Variants in KCNMA1 observed in about 807,000 individuals in gnomAD.
KCNMA1 encodes Calcium-activated potassium channel subunit alpha-1.
KCNMA1 carries 29 observed loss-of-function variants against 140.0 expected under a neutral mutation model. The ratio of observed to expected loss-of-function variants is 0.21; its 90% CI spans 0.15 to 0.28. The LOEUF (loss-of-function observed/expected upper bound fraction) is 0.28. Ranked by LOEUF, KCNMA1 falls within the 10% of genes least tolerant of loss-of-function variation. The pLI, the probability that KCNMA1 is intolerant of heterozygous loss-of-function variation, is 1.00. For synonymous variants in KCNMA1, 612 were observed against 611.9 expected (o/e 1.00, Z 0.00); for missense variants, 880 against 1,602.2 (o/e 0.55, Z 7.70).
intron 1 of KCNMA1, among the ~76,000 whole-genome samples, chr10:77,526,185 G>A (rs2055559381): frequency 6.6e-6 from 1 of 152,082 alleles, no homozygotes; most frequent in Non-Finnish European, 1.5e-5. Flanking sequence ...AAGGGCCCAG[G>A]GCCTCATCCA....
chr10:77,280,690 CT>C (rs36008118), intron 2 of KCNMA1, among the ~76,000 whole-genome samples: 41,839 of 134,100 alleles, frequency 0.31, 7,234 homozygotes, highest in East Asian at 0.43. Context: ...CCATGCCTGG[CT>C]TTTTTTTTTT....
At chr10:77,010,524 A>G (rs2090445702) in intron 18 of KCNMA1, among the ~76,000 whole-genome samples, 1 of 151,950 alleles carries the variant, frequency 6.6e-6, no homozygotes, top group African/African-American at 2.4e-5. Flanking sequence ...TCTCGATAAG[A>G]GTCTGGGGGA....
Position 77,426,142 on chromosome 10 carries a change from G to A in KCNMA1, c.379-22119C>T, listed in dbSNP as rs142072693. ...ACCAGACTGTAGGACATACGTGAAG[G>A]ACTCTGCAGTGTCTGGAACATATTT... is the stretch of plus-strand genomic sequence containing the variant. On this transcript the variant is annotated intron_variant, in intron 1 of 27. Transcript: ENST00000286628. 3.9e-3 allele frequency among the ~76,000 whole-genome samples: 592 copies of A among 152,286 alleles called. 2 individuals are homozygous for A. The highest frequency in any genetic ancestry group is 0.013 in the African/African-American group (551 of 41,562).
At chr10:77,394,403 G>A (rs1253758904) in intron 2 of KCNMA1, among the ~76,000 whole-genome samples, 2 of 152,216 alleles carry the variant, frequency 1.3e-5, no homozygotes, top group Non-Finnish European at 2.9e-5. Context: ...AAGCTGCTGC[G>A]AGCTGAGGTG....
intron 5 of KCNMA1, among the ~76,000 whole-genome samples, chr10:77,173,615 C>A (rs993837525): frequency 3.3e-5 from 5 of 152,144 alleles, no homozygotes; most frequent in African/African-American, 1.2e-4. Flanking sequence ...ACCCCCCAAC[C>A]CCCACTCTCC....
At chr10:76,903,907 T>A (rs1382684688) in intron 25 of KCNMA1, 1 of 152,140 alleles carries the variant, frequency 6.6e-6, no homozygotes, top group Non-Finnish European at 1.5e-5. Flanking sequence ...TGGAATCATA[T>A]CTTCTGGGTA....
chr10:77,186,797 G>A (rs1462025020), intron 3 of KCNMA1, among the ~76,000 whole-genome samples: 1 of 151,654 alleles, frequency 6.6e-6, no homozygotes, highest in African/African-American at 2.4e-5. Flanking sequence ...GTGTGTGTGT[G>A]TGTGTGTGTG....
At chr10:77,381,908 C>T (rs1204912927) in intron 2 of KCNMA1, among the ~76,000 whole-genome samples, 1 of 152,220 alleles carries the variant, frequency 6.6e-6, no homozygotes, top group Non-Finnish European at 1.5e-5. Context: ...ATCCTAGCCA[C>T]ATGAGTACTC....
intron 1 of KCNMA1, among the ~76,000 whole-genome samples, chr10:77,433,945 G>A (rs945411030): frequency 1.3e-5 from 2 of 152,160 alleles, no homozygotes; most frequent in African/African-American, 4.8e-5. Context: ...CACGCCACAA[G>A]GGTAACTGCA....
At chr10:77,472,475 A>G (rs1453405535) in intron 1 of KCNMA1, among the ~76,000 whole-genome samples, 1 of 151,806 alleles carries the variant, frequency 6.6e-6, no homozygotes, top group East Asian at 1.9e-4. Flanking sequence ...GAGAGCATAC[A>G]TACTAAACAC....
intron 14 of KCNMA1, among the ~76,000 whole-genome samples, chr10:77,072,545 G>T (rs2096252439): frequency 6.6e-6 from 1 of 152,164 alleles, no homozygotes; most frequent in Admixed American, 6.5e-5. Context: ...GTCTCTCGGT[G>T]CAAAGGGCAC....
chr10:77,003,575 A>G (rs749100787), intron 18 of KCNMA1, among the ~76,000 whole-genome samples: 7 of 152,226 alleles, frequency 4.6e-5, no homozygotes, highest in Non-Finnish European at 1.0e-4. Flanking sequence ...AGAGGGAAAC[A>G]AGGATGATTT....
At chr10:76,904,661 C>T (rs2047056043) in intron 25 of KCNMA1, 2 of 151,748 alleles carry the variant, frequency 1.3e-5, no homozygotes, top group African/African-American at 4.8e-5. Context: ...TTTTTCTCCT[C>T]AGAAGGAGGT....
At chr10:77,241,132 G>A (rs968062177) in intron 3 of KCNMA1, among the ~76,000 whole-genome samples, 1 of 152,074 alleles carries the variant, frequency 6.6e-6, no homozygotes, top group Non-Finnish European at 1.5e-5. Flanking sequence ...CATTGAAGGG[G>A]TTTAGTATAA....
chr10:77,522,658 C>T (rs924445521), intron 1 of KCNMA1, among the ~76,000 whole-genome samples: 2 of 152,160 alleles, frequency 1.3e-5, no homozygotes, highest in Non-Finnish European at 2.9e-5. Context: ...TAGCTCTGAG[C>T]CTGCTTCTGG....
intron 25 of KCNMA1, chr10:76,903,089 G>A (rs2046255504): frequency 6.6e-6 from 1 of 152,374 alleles, no homozygotes; most frequent in East Asian, 1.9e-4. Flanking sequence ...GAGGGACCAA[G>A]GCACTGTAAC....
chr10:77,562,054 T>C (rs1042562814), intron 1 of KCNMA1, among the ~76,000 whole-genome samples: 8 of 152,148 alleles, frequency 5.3e-5, no homozygotes, highest in African/African-American at 1.9e-4. Flanking sequence ...AATGACAGAG[T>C]CAAAATGAAA....
intron 1 of KCNMA1, among the ~76,000 whole-genome samples, chr10:77,557,995 T>A (rs977339297): frequency 6.6e-6 from 1 of 152,216 alleles, no homozygotes; most frequent in Non-Finnish European, 1.5e-5. Context: ...AGGCATTTGG[T>A]ATACATATTC....
intron 1 of KCNMA1, among the ~76,000 whole-genome samples, chr10:77,496,214 T>C (rs1603629682): frequency 6.6e-6 from 1 of 152,104 alleles, no homozygotes; most frequent in East Asian, 1.9e-4. Flanking sequence ...ATCCTGTCTG[T>C]CACCCTCCTC....
Sources: gnomAD v4.1 joint callset for allele counts (sites outside exome capture counted in the v4.1 genomes callset) on GRCh38, gnomAD v4.1.1 for gene constraint, MANE v1.5 for transcripts, NCBI Gene and HGNC (gene_info 2026-07-23, HGNC 2026-07-21) for gene names.